ROBO1: variants seen among roughly 807,000 people sequenced by gnomAD.
ROBO1 encodes the protein roundabout homolog 1.
Under a neutral mutation model 195.9 loss-of-function variants are expected in ROBO1, and 149 were observed. The ratio of observed to expected loss-of-function variants is 0.76; its 90% CI spans 0.67 to 0.87. The LOEUF (loss-of-function observed/expected upper bound fraction) is 0.87. ROBO1 is among the 40% of genes least tolerant of loss of function. The probability of loss-of-function intolerance (pLI) is 0.00; values close to 1 mark genes in which losing one functional copy is unlikely to be tolerated. For synonymous variants in ROBO1, 816 were observed against 733.2 expected (o/e 1.11, Z -1.82); for missense variants, 1,933 against 2,068.3 (o/e 0.93, Z 1.27).
intron 28 of ROBO1, among the ~76,000 whole-genome samples, chr3:78,609,573 T>C (rs1042015099): frequency 3.0e-4 from 46 of 152,204 alleles, no homozygotes; most frequent in African/African-American, 1.1e-3. Context: ...CAGATTTCCA[T>C]ATGTGTACAT....
At position 79,240,603 on chromosome 3, in the gene ROBO1, A is replaced by G. The variant is rs541377104; in HGVS notation, c.89-115064T>C. On this transcript the variant is annotated intron_variant, in intron 2 of 30. Transcript: ENST00000464233. ...AAAGAATGTCTTTGCCTCTGAAAAC[A>G]TTTGTATTGCTACCACTTACACAGA... is the stretch of plus-strand genomic sequence containing the variant. 3.9e-5 allele frequency among the ~76,000 whole-genome samples: 6 copies of G among 152,212 alleles called. No homozygotes were observed. In the South Asian group the frequency reaches 1.2e-3, roughly 32 times the overall value.
intron 3 of ROBO1, among the ~76,000 whole-genome samples, chr3:78,950,702 C>G (rs182260524): frequency 2.7e-5 from 4 of 146,072 alleles, no homozygotes; most frequent in Admixed American, 2.7e-4. Flanking sequence ...AAAAAAAAAA[C>G]AAAACATCAA....
chr3:79,296,214 A>T (rs2032588595), intron 2 of ROBO1, among the ~76,000 whole-genome samples: 1 of 152,200 alleles, frequency 6.6e-6, no homozygotes, highest in Non-Finnish European at 1.5e-5. Context: ...TACATAAGAC[A>T]CATGAATGCT....
chr3:79,727,276 C>T (rs533098384), intron 1 of ROBO1, among the ~76,000 whole-genome samples: 76 of 139,708 alleles, frequency 5.4e-4, no homozygotes, highest in African/African-American at 1.7e-3. Flanking sequence ...TAGAGTCAGA[C>T]ATATTTTTAC....
In ROBO1 at chr3:78,758,586, A is replaced by G. The variant is rs188358591; in HGVS notation, c.500-11686T>C. The stretch of plus-strand genomic sequence containing the variant: ...ACATATTGGAAGCCAAAGAAAAAAT[A>G]TTGAACATGGCAAACAATTCAATAA... On this transcript the variant is annotated intron_variant, in intron 4 of 30. Transcript: ENST00000464233. Among the ~76,000 whole-genome samples, 224 of 151,976 alleles carry G rather than the reference A, an allele frequency of 1.5e-3. 4 individuals are homozygous for G. The highest frequency in any genetic ancestry group is 1.7e-3 in the Non-Finnish European group (116 of 67,994).
intron 2 of ROBO1, among the ~76,000 whole-genome samples, chr3:79,452,333 C>T (rs1321813691): frequency 6.6e-6 from 1 of 152,092 alleles, no homozygotes; most frequent in East Asian, 1.9e-4. Flanking sequence ...CTCATATCCA[C>T]TTTCAGCTCT....
At chr3:78,987,606 G>C (rs1167370418) in intron 3 of ROBO1, among the ~76,000 whole-genome samples, 1 of 152,036 alleles carries the variant, frequency 6.6e-6, no homozygotes, top group African/African-American at 2.4e-5. Context: ...GGTCCTTGAG[G>C]TAAAAGCCAT....
At chr3:79,355,230 A>T (rs1181380592) in intron 2 of ROBO1, among the ~76,000 whole-genome samples, 3 of 152,014 alleles carry the variant, frequency 2.0e-5, no homozygotes, top group African/African-American at 4.8e-5. Flanking sequence ...TGCTTTATTT[A>T]AAAAAATACT....
rs139565671 is a variant in ROBO1, at chr3:79,332,902, A to G, written c.89-207363T>C. Among the ~76,000 whole-genome samples the G allele has an allele frequency of 4.8e-3, 726 of 152,296 alleles. 2 individuals are homozygous for G. Among genetic ancestry groups the G allele is most frequent in the Non-Finnish European group, 7.5e-3 (509 of 68,032 alleles). On this transcript the variant is annotated intron_variant, in intron 2 of 30. Coordinates refer to ENST00000464233, the MANE Select transcript of ROBO1 (RefSeq NM_002941.4). ...TGAAAGAAGTCAGAAAATAAATAAT[A>G]AAATATCACTTTAATATGGCCAGGT...
chr3:79,487,964 A>C (rs920096094), intron 2 of ROBO1, among the ~76,000 whole-genome samples: 5 of 152,214 alleles, frequency 3.3e-5, no homozygotes, highest in Admixed American at 3.3e-4. Flanking sequence ...AAGATATTAA[A>C]AAGTTAGCCA....
intron 2 of ROBO1, among the ~76,000 whole-genome samples, chr3:79,452,140 G>C (rs2039462163): frequency 6.6e-6 from 1 of 151,850 alleles, no homozygotes; most frequent in South Asian, 2.1e-4. Flanking sequence ...ATCCACCTTT[G>C]TCTCACTCCA....
At chr3:78,685,477 T>C (rs1203874284) in intron 10 of ROBO1, among the ~76,000 whole-genome samples, 3 of 152,284 alleles carry the variant, frequency 2.0e-5, no homozygotes, top group Middle Eastern at 3.4e-3. Context: ...TTCCAAAACA[T>C]AGATACAGTC....
intron 2 of ROBO1, among the ~76,000 whole-genome samples, chr3:79,572,786 T>C (rs1445645606): frequency 6.6e-6 from 1 of 152,184 alleles, no homozygotes; most frequent in Non-Finnish European, 1.5e-5. Flanking sequence ...GTTAAATATC[T>C]GAAATGTAAT....
chr3:79,742,711 G>C (rs1456891064), intron 1 of ROBO1, among the ~76,000 whole-genome samples: 1 of 152,176 alleles, frequency 6.6e-6, no homozygotes, highest in Non-Finnish European at 1.5e-5. Flanking sequence ...ATAGCTAAGA[G>C]TTTCTCTAAG....
In ROBO1 at chr3:78,597,538, A is replaced by C. The variant is rs903141434; in HGVS notation, c.*1375T>G. 6.6e-6 allele frequency: 1 copy of C among 152,422 alleles called. No individual in the cohort carries two copies. The highest frequency in any genetic ancestry group is 2.1e-4 in the South Asian group (1 of 4,816). The allele number at this position is 152,422 out of a possible 1,614,324, so 9.4% of individuals were successfully genotyped here. On this transcript the variant is annotated 3_prime_UTR_variant, in exon 31 of 31. Transcript: ENST00000464233. Reference sequence around the variant, plus strand: ...TACTTATCTATCTATGAATAAATGTACATTTTTTTCTTCAAATAGCACCAA... The same window carrying C: ...TACTTATCTATCTATGAATAAATGTCCATTTTTTTCTTCAAATAGCACCAA...
chr3:78,668,421 T>A (rs534740833), intron 12 of ROBO1, 63 bp downstream of exon 12: 2 of 1,590,524 alleles, frequency 1.3e-6, no homozygotes, highest in Admixed American at 1.7e-5. Context: ...TTCATCAATA[T>A]CCCAGTAAGT....
At chr3:79,599,915 T>C (rs111763795) in intron 1 of ROBO1, among the ~76,000 whole-genome samples, 2,038 of 152,132 alleles carry the variant, frequency 0.013, 20 homozygotes, top group Non-Finnish European at 0.021. Flanking sequence ...TTCTTTCTTA[T>C]TTTATAGCTA....
intron 1 of ROBO1, among the ~76,000 whole-genome samples, chr3:79,752,005 G>A (rs994423970): frequency 2.0e-5 from 3 of 152,072 alleles, no homozygotes; most frequent in Non-Finnish European, 4.4e-5. Flanking sequence ...ATGCATAGCA[G>A]CTACAAACGA....
chr3:79,477,508 G>A (rs1278098212), intron 2 of ROBO1, among the ~76,000 whole-genome samples: 1 of 152,042 alleles, frequency 6.6e-6, no homozygotes, highest in East Asian at 1.9e-4. Flanking sequence ...TTTATGATAT[G>A]CAAGAAGATG....
Sources: gnomAD v4.1 joint callset for allele counts (sites outside exome capture counted in the v4.1 genomes callset) on GRCh38, gnomAD v4.1.1 for gene constraint, MANE v1.5 for transcripts, NCBI Gene and HGNC (gene_info 2026-07-23, HGNC 2026-07-21) for gene names.